ASIC2: variants seen among roughly 807,000 people sequenced by gnomAD.
The protein encoded by ASIC2 is acid sensing ion channel subunit 2.
Under a neutral mutation model 57.3 loss-of-function variants are expected in ASIC2, and 25 were observed. The ratio of observed to expected loss-of-function variants is 0.44; its 90% confidence interval spans 0.32 to 0.61. The LOEUF (loss-of-function observed/expected upper bound fraction) is 0.61, where lower values mean the gene tolerates loss of function less well. Ranked by LOEUF, ASIC2 falls within the 20% of genes least tolerant of loss-of-function variation. The pLI, the probability that ASIC2 is intolerant of heterozygous loss-of-function variation, is 0.06. For synonymous variants in ASIC2, 319 were observed against 307.5 expected (o/e 1.04, Z -0.39); for missense variants, 641 against 738.1 (o/e 0.87, Z 1.52).
At chr17:33,675,580 T>TAA (rs112964831) in intron 1 of ASIC2, among the ~76,000 whole-genome samples, 1 of 151,286 alleles carries the variant, frequency 6.6e-6, no homozygotes, top group Non-Finnish European at 1.5e-5. Flanking sequence ...TTTTTTAAAT[T>TAA]AAAAAAAAAT....
chr17:33,683,595 A>T (rs2142059109), intron 1 of ASIC2, among the ~76,000 whole-genome samples: 1 of 152,238 alleles, frequency 6.6e-6, no homozygotes. Flanking sequence ...AGGCTGGAGG[A>T]CAGTGGCATA....
intron 1 of ASIC2, among the ~76,000 whole-genome samples, chr17:33,676,257 A>G (rs1234628844): frequency 1.3e-5 from 2 of 152,232 alleles, no homozygotes; most frequent in Admixed American, 6.5e-5. Context: ...TAATAACCCT[A>G]CAATGGCCTC....
intron 1 of ASIC2, among the ~76,000 whole-genome samples, chr17:33,909,575 G>A (rs1244068685): frequency 6.6e-6 from 1 of 152,170 alleles, no homozygotes; most frequent in Admixed American, 6.5e-5. Context: ...AGGGCTTGAG[G>A]GGGATGCACG....
chr17:34,037,772 G>C, intron 1 of ASIC2: 1 of 1,614,192 alleles, frequency 6.2e-7, no homozygotes, highest in Non-Finnish European at 8.5e-7. Flanking sequence ...CTTTCGGTAG[G>C]CCAAGCATCG....
At chr17:33,397,804 T>C (rs1259632005) in intron 1 of ASIC2, among the ~76,000 whole-genome samples, 1 of 152,236 alleles carries the variant, frequency 6.6e-6, no homozygotes, top group African/African-American at 2.4e-5. Flanking sequence ...TTTTCCATCT[T>C]CCACTTCTAC....
intron 1 of ASIC2, among the ~76,000 whole-genome samples, chr17:33,994,227 G>A (rs55945239): frequency 0.11 from 16,654 of 152,220 alleles, 1,316 homozygotes; most frequent in East Asian, 0.35. Flanking sequence ...ATATGTGTCA[G>A]CTGCCAGCAA....
intron 1 of ASIC2, among the ~76,000 whole-genome samples, chr17:34,147,201 T>C (rs1049856646): frequency 6.6e-6 from 1 of 152,174 alleles, no homozygotes; most frequent in East Asian, 1.9e-4. Flanking sequence ...GGTTGGCAAG[T>C]CCTTAGAAAC....
chr17:33,080,655 T>C (rs1032724901), intron 3 of ASIC2, among the ~76,000 whole-genome samples: 24 of 152,008 alleles, frequency 1.6e-4, no homozygotes, highest in African/African-American at 5.8e-4. Context: ...ATTATAACAA[T>C]ATGCCAGCAT....
chr17:33,235,147 A>C (rs1411790555), intron 1 of ASIC2, among the ~76,000 whole-genome samples: 1 of 152,238 alleles, frequency 6.6e-6, no homozygotes, highest in East Asian at 1.9e-4. Flanking sequence ...AGACACACAC[A>C]GCCAGAGATG....
chr17:33,891,742 G>T (rs72818945), intron 1 of ASIC2, among the ~76,000 whole-genome samples: 25,808 of 152,072 alleles, frequency 0.17, 2,357 homozygotes, highest in African/African-American at 0.24. Context: ...TGCTGGCTTC[G>T]TGTTTTTAAA....
chr17:33,385,281 C>T (rs1009485868), intron 1 of ASIC2, among the ~76,000 whole-genome samples: 1 of 152,112 alleles, frequency 6.6e-6, no homozygotes, highest in Non-Finnish European at 1.5e-5. Context: ...TTCACTCTGG[C>T]CTCCCTCCCC....
intron 1 of ASIC2, among the ~76,000 whole-genome samples, chr17:33,288,312 C>A (rs773429376): frequency 6.6e-6 from 1 of 152,062 alleles, no homozygotes; most frequent in Non-Finnish European, 1.5e-5. Flanking sequence ...AGGCAGGTGT[C>A]CCCCAGGCAG....
intron 1 of ASIC2, among the ~76,000 whole-genome samples, chr17:33,392,270 CT>C (rs796232324): frequency 1.8e-4 from 24 of 134,846 alleles, no homozygotes; most frequent in Admixed American, 2.3e-4. Flanking sequence ...CTCTTTCTTT[CT>C]TTTTTTTTTG....
At chr17:33,461,728 C>A (rs1364578673) in intron 1 of ASIC2, among the ~76,000 whole-genome samples, 1 of 152,114 alleles carries the variant, frequency 6.6e-6, no homozygotes, top group Non-Finnish European at 1.5e-5. Flanking sequence ...GTAATACCCA[C>A]CCCCTCCACA....
chr17:34,109,561 A>G (rs1345003465), intron 1 of ASIC2, among the ~76,000 whole-genome samples: 5 of 152,194 alleles, frequency 3.3e-5, no homozygotes, highest in Non-Finnish European at 7.4e-5. Flanking sequence ...TACTTTCATC[A>G]AGCGTAAATG....
At chr17:34,103,963 G>C (rs1172895317) in intron 1 of ASIC2, among the ~76,000 whole-genome samples, 1 of 151,992 alleles carries the variant, frequency 6.6e-6, no homozygotes, top group African/African-American at 2.4e-5. Context: ...ATAAATTCTA[G>C]AATTGTTTTA....
intron 1 of ASIC2, among the ~76,000 whole-genome samples, chr17:34,034,285 G>A (rs1907761981): frequency 6.6e-6 from 1 of 152,130 alleles, no homozygotes; most frequent in Non-Finnish European, 1.5e-5. Context: ...AATAGATGCA[G>A]AAAAAGCCTT....
chr17:33,259,812 C>T (rs1027053023), intron 1 of ASIC2, among the ~76,000 whole-genome samples: 4 of 152,152 alleles, frequency 2.6e-5, no homozygotes, highest in Non-Finnish European at 5.9e-5. Context: ...ATACTGTTGG[C>T]TCACAGATGC....
At chr17:33,894,512 T>C (rs893975543) in intron 1 of ASIC2, among the ~76,000 whole-genome samples, 15 of 151,862 alleles carry the variant, frequency 9.9e-5, no homozygotes, top group African/African-American at 3.4e-4. Context: ...ACTATGAGAG[T>C]CATATCGTTG....
Sources: allele counts gnomAD v4.1 joint callset (sites outside exome capture counted in the v4.1 genomes callset), GRCh38; gene constraint gnomAD v4.1.1; transcripts MANE v1.5; gene names NCBI Gene and HGNC (gene_info 2026-07-23, HGNC 2026-07-21).